EEA1: variants seen among roughly 807,000 people sequenced by gnomAD.
EEA1 encodes early endosome antigen 1, 162kD.
A neutral mutation model predicts 209.2 loss-of-function variants in EEA1; 111 were observed. The ratio of observed to expected loss-of-function variants is 0.53; its 90% CI spans 0.45 to 0.62. The LOEUF is 0.62. Among genes scored for constraint, EEA1 ranks in the 20% least tolerant of loss-of-function variants. The pLI, the probability that EEA1 is intolerant of heterozygous loss-of-function variation, is 0.00. For synonymous variants in EEA1, 536 were observed against 540.6 expected (o/e 0.99, Z 0.12); for missense variants, 1,343 against 1,530.8 (o/e 0.88, Z 2.05).
In EEA1 at chr12:92,830,272, G is replaced by A. The variant is rs567099054; in HGVS notation, c.1255-2211C>T. 5.4e-4 allele frequency among the ~76,000 whole-genome samples: 82 copies of A among 152,116 alleles called. No homozygotes were observed. In the South Asian group the frequency reaches 0.014, roughly 25 times the overall value. On this transcript the variant is annotated intron_variant, in intron 11 of 28. Transcript: ENST00000322349. Reference sequence around the variant, plus strand: ...GGTGTACAGATTATTTCATTACCTAGGTAATAAACATAGTACCCAATAGGC... The same window carrying A: ...GGTGTACAGATTATTTCATTACCTAAGTAATAAACATAGTACCCAATAGGC...
At chr12:92,833,388 T>C (rs995643041) in intron 10 of EEA1, among the ~76,000 whole-genome samples, 2 of 152,184 alleles carry the variant, frequency 1.3e-5, no homozygotes, top group African/African-American at 4.8e-5. Context: ...TTTCTAGGTG[T>C]ATTAAAAAAT....
chr12:92,912,177 G>A (rs368773798), intron 1 of EEA1, among the ~76,000 whole-genome samples: 5 of 152,122 alleles, frequency 3.3e-5, no homozygotes, highest in Admixed American at 6.5e-5. Context: ...CTTTAAACTC[G>A]ACTACGTCCC....
chr12:92,905,690 A>C (rs1179665530), intron 1 of EEA1: 1 of 152,198 alleles, frequency 6.6e-6, no homozygotes, highest in Non-Finnish European at 1.5e-5. Context: ...GATCAGTATA[A>C]AACCGCATTA....
At chr12:92,881,086 TC>T (rs1162662435) in intron 2 of EEA1, among the ~76,000 whole-genome samples, 1 of 152,142 alleles carries the variant, frequency 6.6e-6, no homozygotes, top group Non-Finnish European at 1.5e-5. Context: ...GAGGTAGTCC[TC>T]CCACTGCTAA....
At chr12:92,898,392 AATGGCTCACGC>A (rs1321119232) in intron 1 of EEA1, among the ~76,000 whole-genome samples, 2 of 152,088 alleles carry the variant, frequency 1.3e-5, no homozygotes, top group Non-Finnish European at 2.9e-5. Flanking sequence ...GGCTGGGTGA[AATGGCTCACGC>A]CTGTAATCTC....
At position 92,778,011 on chromosome 12, in the gene EEA1, G is replaced by T. The variant is rs759399764; in HGVS notation, c.3823C>A (p.Arg1275=). Residue 1275 remains arginine (R), a synonymous_variant, in exon 26 of 29, where the codon CGG becomes AGG. Transcript: ENST00000322349. Reference sequence around the variant, plus strand: ...GCTTCTAATACTGCAATTTCACCCCGTAAGTCATCCGTTTGTTTCTCAAGC... The same window carrying T: ...GCTTCTAATACTGCAATTTCACCCCTTAAGTCATCCGTTTGTTTCTCAAGC... The part of the protein sequence containing the change: ...SELEKQTDDL[R]GEIAVLEATV... 2 of 1,613,210 alleles carry T rather than the reference G, an allele frequency of 1.2e-6. No individual in the cohort carries two copies. Among genetic ancestry groups the T allele is most frequent in the Non-Finnish European group, 1.7e-6 (2 of 1,179,508 alleles).
chr12:92,892,760 G>A (rs549954789), intron 1 of EEA1, among the ~76,000 whole-genome samples: 1 of 152,094 alleles, frequency 6.6e-6, no homozygotes, highest in African/African-American at 2.4e-5. Flanking sequence ...TGAGTAGCTG[G>A]GACTACAGGC....
At chr12:92,874,912 G>C (rs975041408) in intron 2 of EEA1, among the ~76,000 whole-genome samples, 3 of 152,112 alleles carry the variant, frequency 2.0e-5, no homozygotes, top group Non-Finnish European at 4.4e-5. Context: ...ACACTGATCG[G>C]ATTATTATAC....
intron 2 of EEA1, among the ~76,000 whole-genome samples, chr12:92,869,122 T>C (rs1878522423): frequency 1.3e-5 from 2 of 152,226 alleles, no homozygotes; most frequent in Admixed American, 6.5e-5. Flanking sequence ...TTCATGGACT[T>C]TGAAAACCAA....
At chr12:92,801,572 AT>A in intron 20 of EEA1, 27 bp downstream of exon 20, 1 of 1,462,594 alleles carries the variant, frequency 6.8e-7, no homozygotes. Flanking sequence ...TACTTTACAG[AT>A]TTTATGTTAC....
chr12:92,832,489 TA>T (rs758344966), intron 11 of EEA1, 22 bp downstream of exon 11: 3 of 1,573,612 alleles, frequency 1.9e-6, no homozygotes, highest in Non-Finnish European at 2.6e-6. Flanking sequence ...AGAATTACAA[TA>T]AATAAAATTA....
chr12:92,880,499 G>A (rs1023768933), intron 2 of EEA1, among the ~76,000 whole-genome samples: 1 of 151,778 alleles, frequency 6.6e-6, no homozygotes, highest in African/African-American at 2.4e-5. Flanking sequence ...GGAGGGGGCG[G>A]AGTCTCACTC....
At position 92,788,015 on chromosome 12, in the gene EEA1, G is replaced by A; in HGVS notation, c.3002C>T (p.Thr1001Ile). Residue 1001 changes from threonine (T) to isoleucine (I), a missense_variant, in exon 22 of 29, where the codon ACA becomes ATA. Coordinates refer to ENST00000322349, the MANE Select transcript of EEA1 (RefSeq NM_003566.4). The stretch of plus-strand genomic sequence containing the variant: ...TGCTGCAAGTTCCTGGGCTGCCTGT[G>A]TTAACTGCTGCTGTAGTTTATTCTC... ...ELENKLQQQL[T>I]QAAQELAAEK... 1 of 1,607,994 alleles carries A rather than the reference G, an allele frequency of 6.2e-7. No homozygotes were observed. Among genetic ancestry groups the A allele is most frequent in the Non-Finnish European group, 8.5e-7 (1 of 1,177,284 alleles).
At chr12:92,784,564 A>G (rs17790358) in intron 22 of EEA1, among the ~76,000 whole-genome samples, 32,296 of 152,096 alleles carry the variant, frequency 0.21, 4,643 homozygotes, top group Non-Finnish European at 0.32. Context: ...ATAACAGCCT[A>G]TAAAATGTTA....
At chr12:92,851,558 A>G (rs1877632014) in intron 8 of EEA1, among the ~76,000 whole-genome samples, 1 of 152,184 alleles carries the variant, frequency 6.6e-6, no homozygotes, top group South Asian at 2.1e-4. Context: ...TGGTCATAAC[A>G]GTGACTTGAA....
intron 12 of EEA1, among the ~76,000 whole-genome samples, chr12:92,827,144 T>A (rs1367367306): frequency 6.6e-6 from 1 of 152,078 alleles, no homozygotes; most frequent in Non-Finnish European, 1.5e-5. Context: ...TCACTTGAGG[T>A]CAGGAGTTCA....
At chr12:92,925,461 C>A (rs1272906655) in intron 1 of EEA1, among the ~76,000 whole-genome samples, 1 of 152,152 alleles carries the variant, frequency 6.6e-6, no homozygotes, top group Non-Finnish European at 1.5e-5. Context: ...GTGATCTGCA[C>A]GCCTCGGCTT....
At chr12:92,904,653 C>G (rs1399898141) in intron 1 of EEA1, among the ~76,000 whole-genome samples, 1 of 152,190 alleles carries the variant, frequency 6.6e-6, no homozygotes, top group African/African-American at 2.4e-5. Context: ...CAACTCCCCT[C>G]CTCAGGTTTG....
At chr12:92,820,723 G>T (rs1021763274) in intron 13 of EEA1, among the ~76,000 whole-genome samples, 1 of 151,246 alleles carries the variant, frequency 6.6e-6, no homozygotes. Flanking sequence ...TAACAAACCT[G>T]CTCATTCTGC....
Sources: allele counts gnomAD v4.1 joint callset (sites outside exome capture counted in the v4.1 genomes callset), GRCh38; gene constraint gnomAD v4.1.1; transcripts MANE v1.5; gene names NCBI Gene and HGNC (gene_info 2026-07-23, HGNC 2026-07-21).